Variants in CMTM4 observed in about 807,000 individuals in gnomAD.
CMTM4 encodes CKLF like MARVEL transmembrane domain containing 4, also known as CKLF-like MARVEL transmembrane domain-containing protein 4.
Under a neutral mutation model 19.0 loss-of-function variants are expected in CMTM4, and 8 were observed. The observed-to-expected ratio is 0.42, with a 90% CI of 0.25 to 0.76. The LOEUF (loss-of-function observed/expected upper bound fraction) is 0.76. CMTM4 is among the 30% of genes least tolerant of loss of function. CMTM4 has a pLI of 0.27. For missense variants in CMTM4, 228 were observed against 290.2 expected, an observed-to-expected ratio of 0.79 and a Z score of 1.56; for synonymous variants, 106 against 121.1, an observed-to-expected ratio of 0.88 and a Z score of 0.82.
chr16:66,604,552 G>C, the CMTM4 span: 2 of 308,878 alleles, frequency 6.5e-6, no homozygotes, highest in African/African-American at 4.4e-5. Context: ...GGGTGAAGAA[G>C]AAGGTGGAGT....
the CMTM4 span, chr16:66,609,692 C>T: frequency 3.3e-5 from 51 of 1,543,246 alleles, no homozygotes; most frequent in African/African-American, 3.0e-4. This position sits in a 1 kb window ranked among gnomAD's most constrained non-coding sequence, Gnocchi z 4.4. Context: ...TGACTCTACC[C>T]GGGGTTTTGA....
intron 2 of CMTM4, among the ~76,000 whole-genome samples, chr16:66,624,227 G>A (rs72790452): frequency 0.044 from 6,634 of 152,266 alleles, 265 homozygotes; most frequent in East Asian, 0.16. Context: ...AACCATACAG[G>A]TGAAGAGCCC....
the CMTM4 span, among the ~76,000 whole-genome samples, chr16:66,602,654 C>T: frequency 1.3e-5 from 2 of 152,102 alleles, no homozygotes; most frequent in African/African-American, 4.8e-5. Flanking sequence ...TCAAGTGATT[C>T]TCATGCCTCA....
At chr16:66,670,323 A>G (rs1300412215) in intron 1 of CMTM4, among the ~76,000 whole-genome samples, 1 of 150,332 alleles carries the variant, frequency 6.7e-6, no homozygotes, top group African/African-American at 2.4e-5. Context: ...GCTTGGTGGC[A>G]TGCACCTGTA....
chr16:66,631,139 C>G (rs890158105), intron 2 of CMTM4, among the ~76,000 whole-genome samples: 1 of 134,820 alleles, frequency 7.4e-6, no homozygotes. Context: ...CGTCTCTGCC[C>G]GGCAGCCACC....
chr16:66,639,507 A>G lies in CMTM4; in HGVS notation c.187-2926T>C, dbSNP rs568632802. Among the ~76,000 whole-genome samples the G allele has an allele frequency of 6.6e-4, 101 of 152,208 alleles. 1 individual carries two copies. Among genetic ancestry groups the G allele is most frequent in the African/African-American group, 2.3e-3 (97 of 41,540 alleles). ...TACATTTAAAAAGAGTGAGTTAGTG[A>G]TAAGAACGAAGGAGAAAAATGGAAG... On this transcript the variant is annotated intron_variant, in intron 1 of 3. Coordinates refer to ENST00000394106, the MANE Select transcript of CMTM4 (RefSeq NM_181521.3).
intron 2 of CMTM4, among the ~76,000 whole-genome samples, chr16:66,635,098 T>C (rs987719397): frequency 5.3e-5 from 8 of 152,204 alleles, no homozygotes; most frequent in Admixed American, 3.3e-4. Context: ...ATGAGCATTT[T>C]AACTGGGGGA....
At chr16:66,611,224 G>A (rs1323290869), downstream of CMTM4, among the ~76,000 whole-genome samples, 1 of 152,158 alleles carries the variant, frequency 6.6e-6, no homozygotes, top group Non-Finnish European at 1.5e-5. Flanking sequence ...AGGCCGAGAC[G>A]GGTGGATCAC....
At chr16:66,633,395 C>A (rs1444725228) in intron 2 of CMTM4, among the ~76,000 whole-genome samples, 3 of 152,014 alleles carry the variant, frequency 2.0e-5, no homozygotes, top group Non-Finnish European at 1.5e-5. Context: ...ATACTCCCAC[C>A]ACCTTGTTAC....
the CMTM4 span, among the ~76,000 whole-genome samples, chr16:66,607,849 T>G: frequency 1.3e-5 from 2 of 150,284 alleles, no homozygotes; most frequent in East Asian, 2.0e-4. Flanking sequence ...TTTTTTTTTG[T>G]AGGGGCGGGT....
intron 1 of CMTM4, among the ~76,000 whole-genome samples, chr16:66,643,907 C>T (rs1218310511): frequency 6.6e-6 from 1 of 152,154 alleles, no homozygotes; most frequent in East Asian, 1.9e-4. Context: ...GTGCCCACCA[C>T]CACACCCAGC....
intron 1 of CMTM4, among the ~76,000 whole-genome samples, chr16:66,650,704 C>G (rs1009751180): frequency 1.3e-5 from 2 of 152,158 alleles, no homozygotes; most frequent in African/African-American, 4.8e-5. Context: ...TTCTTCCCCC[C>G]GCACACCTCT....
intron 1 of CMTM4, among the ~76,000 whole-genome samples, chr16:66,668,205 C>T (rs1390853446): frequency 1.3e-5 from 2 of 150,648 alleles, no homozygotes; most frequent in Non-Finnish European, 2.9e-5. Flanking sequence ...GACAGAGTTT[C>T]GCTATGTTGC....
At chr16:66,661,583 TTA>T (rs2016499648) in intron 1 of CMTM4, among the ~76,000 whole-genome samples, 1 of 152,178 alleles carries the variant, frequency 6.6e-6, no homozygotes, top group South Asian at 2.1e-4. Context: ...ATGGATCCTT[TTA>T]TATGATTCCT....
chr16:66,674,732 C>CTTT lies in CMTM4; in HGVS notation c.186+21605_186+21607dup, dbSNP rs771044359. Among the ~76,000 whole-genome samples the CTTT allele has an allele frequency of 2.5e-3, 227 of 92,482 alleles. 22 individuals carry two copies. The highest frequency in any genetic ancestry group is 9.0e-3 in the African/African-American group (204 of 22,772). 60.7% of individuals were successfully genotyped at this position (92,482 alleles called of 152,430 possible). A position where few individuals can be genotyped will look rare whatever the true frequency, so the allele number is the denominator to read the frequency against. On this transcript the variant is annotated intron_variant, in intron 1 of 3. Coordinates refer to ENST00000394106, the MANE Select transcript of CMTM4 (RefSeq NM_181521.3). ...CAAGTGCTGAAAGGTGTTACATATTCTTTTTTTTTTTTTTTTTTTTTTTTT... is the reference window on the plus strand; with the variant it reads ...CAAGTGCTGAAAGGTGTTACATATTCTTTTTTTTTTTTTTTTTTTTTTTTTTTT...
chr16:66,650,076 A>C (rs2016282381), intron 1 of CMTM4, among the ~76,000 whole-genome samples: 1 of 152,182 alleles, frequency 6.6e-6, no homozygotes, highest in Non-Finnish European at 1.5e-5. Flanking sequence ...GGGAGGGTCA[A>C]TGAGGGCTTA....
chr16:66,689,252 A>G (rs529075729), intron 1 of CMTM4, among the ~76,000 whole-genome samples: 1 of 152,336 alleles, frequency 6.6e-6, no homozygotes, highest in South Asian at 2.1e-4. Flanking sequence ...ATTATATATT[A>G]CAGTATAATG....
intron 1 of CMTM4, among the ~76,000 whole-genome samples, chr16:66,667,878 A>C (rs1169939345): frequency 2.6e-5 from 4 of 151,488 alleles, no homozygotes; most frequent in Non-Finnish European, 5.9e-5. Flanking sequence ...ATAGGGCGAG[A>C]CTCTGTCTCA....
At chr16:66,602,482 A>G in the CMTM4 span, among the ~76,000 whole-genome samples, 5 of 150,144 alleles carry the variant, frequency 3.3e-5, no homozygotes, top group Middle Eastern at 3.4e-3. Context: ...ACCCAAGGGT[A>G]AAAAAAAACA....
Sources: allele counts gnomAD v4.1 joint callset (sites outside exome capture counted in the v4.1 genomes callset), GRCh38; gene constraint gnomAD v4.1.1; non-coding constraint Gnocchi (gnomAD v3.1); transcripts MANE v1.5; gene names NCBI Gene and HGNC (gene_info 2026-07-23, HGNC 2026-07-21).